Variants in DPY19L1 observed in about 807,000 individuals in gnomAD.
DPY19L1 encodes the protein dpy-19 like C-mannosyltransferase 1.
Under a neutral mutation model 96.9 loss-of-function variants are expected in DPY19L1, and 35 were observed. That is an observed-to-expected ratio of 0.36 (90% confidence interval 0.28 to 0.48). DPY19L1 has a LOEUF of 0.48. DPY19L1 is among the 20% of genes least tolerant of loss of function. The pLI is 0.99. For missense variants in DPY19L1, 521 were observed against 777.9 expected, an observed-to-expected ratio of 0.67 and a Z score of 3.93; for synonymous variants, 205 against 252.6, an observed-to-expected ratio of 0.81 and a Z score of 1.79.
At chr7:34,990,016 A>T in intron 6 of DPY19L1, 75 bp from the exon 7 acceptor site, 2 of 1,173,334 alleles carry the variant, frequency 1.7e-6, no homozygotes, top group Non-Finnish European at 2.4e-6. Flanking sequence ...AACACATAAT[A>T]TCATAACCAC....
chr7:34,968,143 T>C (rs1198995217), intron 9 of DPY19L1, among the ~76,000 whole-genome samples: 2 of 151,938 alleles, frequency 1.3e-5, no homozygotes, highest in Admixed American at 6.6e-5. Context: ...TGATTGAAAA[T>C]GTCATCGAAC....
intron 6 of DPY19L1, among the ~76,000 whole-genome samples, chr7:34,999,103 G>A (rs961261814): frequency 6.6e-6 from 1 of 152,214 alleles, no homozygotes; most frequent in Admixed American, 6.5e-5. Context: ...AGTGAAGAAA[G>A]TAAGTGCCCA....
intron 1 of DPY19L1, among the ~76,000 whole-genome samples, chr7:35,024,328 A>G (rs556686140): frequency 6.6e-6 from 1 of 152,310 alleles, no homozygotes; most frequent in East Asian, 1.9e-4. Context: ...CTATCTGGAT[A>G]AAGTTTTCAA....
chr7:35,021,786 T>C (rs1481109354), intron 1 of DPY19L1, among the ~76,000 whole-genome samples: 1 of 152,144 alleles, frequency 6.6e-6, no homozygotes, highest in Non-Finnish European at 1.5e-5. Context: ...CTAGGCCTAC[T>C]TACCCTAAAG....
intron 13 of DPY19L1, among the ~76,000 whole-genome samples, chr7:34,952,129 CAA>C (rs554761873): frequency 0.27 from 34,746 of 131,058 alleles, 4,411 homozygotes; most frequent in Non-Finnish European, 0.32. Context: ...AAAAAGACCA[CAA>C]AAAAAAAACC....
At chr7:34,951,315 A>G (rs1175893013) in intron 13 of DPY19L1, among the ~76,000 whole-genome samples, 12 of 152,084 alleles carry the variant, frequency 7.9e-5, no homozygotes, top group South Asian at 2.1e-4. Flanking sequence ...CAGAAAATAT[A>G]AACTTCACAA....
chr7:34,942,059 G>A (rs933338187), intron 17 of DPY19L1, among the ~76,000 whole-genome samples, 175 bp from the exon 18 acceptor site: 12 of 152,192 alleles, frequency 7.9e-5, no homozygotes, highest in African/African-American at 2.9e-4. Context: ...CATTTTAGTG[G>A]AAGGCTAAAA....
Position 34,930,682 on chromosome 7 carries a change from ATAG to A in DPY19L1, c.*888_*890del, listed in dbSNP as rs1783734254. The A allele has an allele frequency of 1.3e-5, 2 of 152,204 alleles. No individual in the cohort carries two copies. Among genetic ancestry groups the A allele is most frequent in the African/African-American group, 4.8e-5 (2 of 41,466 alleles). The allele number at this position is 152,204 out of a possible 1,614,324, so 9.4% of individuals were successfully genotyped here. A position where few individuals can be genotyped will look rare whatever the true frequency, so the allele number is the denominator to read the frequency against. The stretch of plus-strand genomic sequence containing the variant: ...TGCACTATATTTGGGGTTGTTCAAA[ATAG>A]TTTTTCTTAAAACTATAATTAAACA... On this transcript the variant is annotated 3_prime_UTR_variant, in exon 22 of 22. Coordinates refer to ENST00000638088, the MANE Select transcript of DPY19L1 (RefSeq NM_001366673.1).
chr7:35,035,727 T>G (rs533286409), intron 1 of DPY19L1, among the ~76,000 whole-genome samples: 1 of 152,290 alleles, frequency 6.6e-6, no homozygotes, highest in African/African-American at 2.4e-5. Context: ...AAATTCGCCA[T>G]GTGATAACCC....
At chr7:34,986,626 T>C (rs1466040982) in intron 7 of DPY19L1, among the ~76,000 whole-genome samples, 1 of 151,992 alleles carries the variant, frequency 6.6e-6, no homozygotes. Flanking sequence ...CCAAATCTTA[T>C]ATAAATGGCA....
At chr7:34,979,554 T>G (rs1383524552) in intron 7 of DPY19L1, among the ~76,000 whole-genome samples, 1 of 152,100 alleles carries the variant, frequency 6.6e-6, no homozygotes, top group Non-Finnish European at 1.5e-5. Flanking sequence ...TGAACCATAC[T>G]TGGTAGGATT....
In DPY19L1 at chr7:35,030,181, A is replaced by G. The variant is rs571498133; in HGVS notation, c.298+6916T>C. 2.6e-5 allele frequency among the ~76,000 whole-genome samples: 4 copies of G among 152,352 alleles called. No homozygotes were observed. In the East Asian group the frequency reaches 5.8e-4, roughly 22 times the overall value. On this transcript the variant is annotated intron_variant, in intron 1 of 21. Transcript: ENST00000638088. ...GCAGAAAAAGATTCTGCTGTTGACA[A>G]CTCCAACACTGAAAAGCTATATTAT...
intron 1 of DPY19L1, among the ~76,000 whole-genome samples, chr7:35,024,435 C>T (rs1315426567): frequency 1.3e-5 from 2 of 152,108 alleles, no homozygotes; most frequent in African/African-American, 4.8e-5. Flanking sequence ...AGTTTCTTTC[C>T]GGAAGCTGAA....
chr7:34,997,363 C>T lies in DPY19L1; in HGVS notation c.765-7422G>A, dbSNP rs538658193. ...ATCCCAGCACTTTGGGAGGCCGAGG[C>T]GGGCGGATCACAACGTCAGGAGATC... On this transcript the variant is annotated intron_variant, in intron 6 of 21. Coordinates refer to ENST00000638088, the MANE Select transcript of DPY19L1 (RefSeq NM_001366673.1). Among the ~76,000 whole-genome samples, 18 of 140,674 alleles carry T rather than the reference C, an allele frequency of 1.3e-4. No homozygotes were observed. In the South Asian group the frequency reaches 2.0e-3, roughly 16 times the overall value. The allele number at this position is 140,674 out of a possible 152,430, so 92.3% of individuals were successfully genotyped here.
chr7:35,013,302 T>G (rs1057451380), intron 4 of DPY19L1, among the ~76,000 whole-genome samples: 3 of 152,180 alleles, frequency 2.0e-5, no homozygotes, highest in Non-Finnish European at 4.4e-5. Context: ...CAGCGCTCCC[T>G]TGGTATAATC....
chr7:34,966,685 G>A (rs1381079768), intron 10 of DPY19L1, among the ~76,000 whole-genome samples: 1 of 152,072 alleles, frequency 6.6e-6, no homozygotes, highest in Non-Finnish European at 1.5e-5. Context: ...TGCATAAGTT[G>A]GGCACAACTT....
intron 10 of DPY19L1, among the ~76,000 whole-genome samples, chr7:34,966,590 C>T (rs1425432301): frequency 6.6e-6 from 1 of 152,096 alleles, no homozygotes; most frequent in African/African-American, 2.4e-5. Flanking sequence ...CATGTCGGGC[C>T]CTTCTACTTC....
At position 34,993,904 on chromosome 7, in the gene DPY19L1, C is replaced by CA. The variant is rs749626229; in HGVS notation, c.765-3964dup. 6.0e-3 allele frequency among the ~76,000 whole-genome samples: 800 copies of CA among 134,080 alleles called. 4 individuals are homozygous for CA. Among genetic ancestry groups the CA allele is most frequent in the Middle Eastern group, 0.022 (6 of 268 alleles). The allele number at this position is 134,080 out of a possible 152,430, so 88.0% of individuals were successfully genotyped here. On this transcript the variant is annotated intron_variant, in intron 6 of 21. Transcript: ENST00000638088. ...ATGAAACACTATCTCTACGAAAATA[C>CA]AAAAAAAAAAAAAATTAGCCGTGTG...
chr7:35,033,641 G>T (rs1786316751), intron 1 of DPY19L1, among the ~76,000 whole-genome samples: 1 of 152,132 alleles, frequency 6.6e-6, no homozygotes, highest in Non-Finnish European at 1.5e-5. Context: ...GGCCAGTGTT[G>T]ATATGGCTAT....
Sources: allele counts gnomAD v4.1 joint callset (sites outside exome capture counted in the v4.1 genomes callset), GRCh38; gene constraint gnomAD v4.1.1; transcripts MANE v1.5; gene names NCBI Gene and HGNC (gene_info 2026-07-23, HGNC 2026-07-21).